The following IPCEF1 variants were observed in gnomAD, a reference collection of about 807,000 sequenced individuals.
IPCEF1 encodes interaction protein for cytohesin exchange factors 1, also known as interactor protein for cytohesin exchange factors 1.
IPCEF1 carries 31 observed loss-of-function variants against 50.9 expected under a neutral mutation model. The observed-to-expected ratio is 0.61, with a 90% CI of 0.46 to 0.82. The LOEUF (loss-of-function observed/expected upper bound fraction) is 0.82. IPCEF1 is among the 40% of genes least tolerant of loss of function. IPCEF1 has a pLI of 0.00. For synonymous variants in IPCEF1, 181 were observed against 192.0 expected, an observed-to-expected ratio of 0.94 and a Z score of 0.47; for missense variants, 458 against 514.0, an observed-to-expected ratio of 0.89 and a Z score of 1.05.
At chr6:154,321,935 G>A (rs1461133862) in intron 1 of IPCEF1, among the ~76,000 whole-genome samples, 1 of 151,876 alleles carries the variant, frequency 6.6e-6, no homozygotes, top group African/African-American at 2.4e-5. Context: ...TTGTAGACCA[G>A]GATCTCTCAT....
intron 10 of IPCEF1, among the ~76,000 whole-genome samples, chr6:154,185,872 T>C (rs1445171462): frequency 6.6e-6 from 1 of 152,264 alleles, no homozygotes; most frequent in Non-Finnish European, 1.5e-5. Context: ...ACAAGTTGGA[T>C]AAGCTTGTTT....
chr6:154,171,001 G>A (rs1799825505), intron 10 of IPCEF1, among the ~76,000 whole-genome samples: 1 of 152,162 alleles, frequency 6.6e-6, no homozygotes, highest in Non-Finnish European at 1.5e-5. Context: ...CTCTCAAGTA[G>A]CTGGGACTAC....
chr6:154,320,045 G>C (rs1277927524), intron 1 of IPCEF1, among the ~76,000 whole-genome samples: 1 of 152,084 alleles, frequency 6.6e-6, no homozygotes, highest in Non-Finnish European at 1.5e-5. Context: ...CACTAATTTA[G>C]AATAAATTGC....
chr6:154,281,876 C>G (rs1191278228), intron 2 of IPCEF1, among the ~76,000 whole-genome samples: 2 of 152,014 alleles, frequency 1.3e-5, no homozygotes, highest in African/African-American at 2.4e-5. Context: ...TGGTGGCACA[C>G]ACCTGTAATC....
Position 154,168,022 on chromosome 6 carries a change from A to C in IPCEF1, c.1002T>G (p.Pro334=), listed in dbSNP as rs750506735. Reference sequence around the variant, plus strand: ...ATTTTCTCAACTCCTTTTTAGTCGAAGGTCGTCGGTCCCCAAGAGGAGATA... The same window carrying C: ...ATTTTCTCAACTCCTTTTTAGTCGACGGTCGTCGGTCCCCAAGAGGAGATA... ...ASLSPLGDRR[P]STKKELRKSF... The change falls in exon 11 of 12, where the codon CCT becomes CCG. Residue 334 remains proline, a synonymous_variant. Transcript: ENST00000367220. This position sits in a 1 kb window ranked among gnomAD's most constrained non-coding sequence, Gnocchi z 4.1. 80 of 1,611,788 alleles carry C rather than the reference A, an allele frequency of 5.0e-5. No homozygotes were observed. Among genetic ancestry groups the C allele is most frequent in the Non-Finnish European group, 6.6e-5 (78 of 1,178,252 alleles).
intron 1 of IPCEF1, among the ~76,000 whole-genome samples, chr6:154,296,604 C>T (rs747000112): frequency 4.1e-4 from 63 of 152,164 alleles, no homozygotes; most frequent in African/African-American, 1.5e-3. Context: ...CCGAGGAGGG[C>T]AGATCACGAG....
intron 1 of IPCEF1, among the ~76,000 whole-genome samples, chr6:154,317,375 C>A (rs776752726): frequency 1.3e-5 from 2 of 151,628 alleles, no homozygotes; most frequent in Non-Finnish European, 2.9e-5. Context: ...CAGTGAAACC[C>A]CGTCTCTACT....
intron 5 of IPCEF1, among the ~76,000 whole-genome samples, chr6:154,226,645 A>G (rs983746304): frequency 4.6e-5 from 7 of 152,148 alleles, no homozygotes; most frequent in Non-Finnish European, 7.4e-5. Context: ...CTCCTTCTCT[A>G]TAATTCTGCT....
At chr6:154,202,026 T>C (rs1302341167) in intron 9 of IPCEF1, among the ~76,000 whole-genome samples, 2 of 152,248 alleles carry the variant, frequency 1.3e-5, no homozygotes, top group Non-Finnish European at 2.9e-5. Flanking sequence ...ACAGTTGACC[T>C]TCTTCCAAAT....
intron 3 of IPCEF1, among the ~76,000 whole-genome samples, chr6:154,263,969 C>T (rs1447184066): frequency 1.5e-5 from 2 of 129,310 alleles, no homozygotes; most frequent in Admixed American, 7.6e-5. Context: ...GCGCCCCTCA[C>T]TTCCCGGATG....
chr6:154,234,549 T>TCCTTACTATTC (rs1234730033), intron 5 of IPCEF1, among the ~76,000 whole-genome samples: 7 of 152,192 alleles, frequency 4.6e-5, no homozygotes, highest in Non-Finnish European at 4.4e-5. Flanking sequence ...CAACAATCCC[T>TCCTTACTATTC]CCTTACTATT....
At chr6:154,192,059 C>T (rs981853770) in intron 10 of IPCEF1, among the ~76,000 whole-genome samples, 1 of 152,038 alleles carries the variant, frequency 6.6e-6, no homozygotes, top group African/African-American at 2.4e-5. Flanking sequence ...GAATGAATTC[C>T]GGCTGGATAA....
chr6:154,284,105 A>C (rs1782295455), intron 2 of IPCEF1, among the ~76,000 whole-genome samples: 1 of 152,210 alleles, frequency 6.6e-6, no homozygotes, highest in African/African-American at 2.4e-5. Context: ...TTTGCAATCA[A>C]TCCTCACACA....
intron 5 of IPCEF1, among the ~76,000 whole-genome samples, chr6:154,229,091 C>T (rs985980041): frequency 6.6e-6 from 1 of 152,206 alleles, no homozygotes; most frequent in Admixed American, 6.5e-5. Flanking sequence ...GCCTCCAGCC[C>T]CAGGGGCGGC....
intron 1 of IPCEF1, among the ~76,000 whole-genome samples, chr6:154,345,576 C>T (rs763157959): frequency 1.3e-5 from 2 of 152,188 alleles, no homozygotes; most frequent in Non-Finnish European, 2.9e-5. Flanking sequence ...CATGCCTCAA[C>T]CACTTTTTGT....
intron 7 of IPCEF1, among the ~76,000 whole-genome samples, chr6:154,216,405 T>C (rs1278476335): frequency 6.6e-6 from 1 of 152,014 alleles, no homozygotes. Context: ...AATTTCCAAA[T>C]TTGTAATGGA....
At chr6:154,214,102 C>A in intron 8 of IPCEF1, 116 bp downstream of exon 8, 1 of 732,006 alleles carries the variant, frequency 1.4e-6, no homozygotes, top group Non-Finnish European at 2.5e-6. Context: ...TCTTAAATGC[C>A]AAAGCATGTT....
chr6:154,319,163 C>T (rs539824963), intron 1 of IPCEF1, among the ~76,000 whole-genome samples: 1 of 151,878 alleles, frequency 6.6e-6, no homozygotes, highest in African/African-American at 2.4e-5. Context: ...TGCTCTTTTC[C>T]CTTCCCTCCC....
chr6:154,222,934 T>C (rs1778981018), intron 6 of IPCEF1: 2 of 554,532 alleles, frequency 3.6e-6, no homozygotes, highest in Non-Finnish European at 6.5e-6. Flanking sequence ...TCAACAACAG[T>C]CCATGCCAAG....
Sources: allele counts gnomAD v4.1 joint callset (sites outside exome capture counted in the v4.1 genomes callset), GRCh38; gene constraint gnomAD v4.1.1; non-coding constraint Gnocchi (gnomAD v3.1); transcripts MANE v1.5; gene names NCBI Gene and HGNC (gene_info 2026-07-23, HGNC 2026-07-21).